CERS6: variants seen among roughly 807,000 people sequenced by gnomAD.
CERS6 encodes the protein ceramide synthase 6.
CERS6 carries 26 observed loss-of-function variants against 56.8 expected under a neutral mutation model. The ratio of observed to expected loss-of-function variants is 0.46; its 90% CI spans 0.34 to 0.63. CERS6 has a LOEUF of 0.63. Among genes scored for constraint, CERS6 ranks in the 30% least tolerant of loss-of-function variants. The pLI, the probability that CERS6 is intolerant of heterozygous loss-of-function variation, is 0.01. For missense variants in CERS6, 415 were observed against 467.5 expected (o/e 0.89, Z 1.04); for synonymous variants, 164 against 173.3 (o/e 0.95, Z 0.42).
At chr2:168,750,112 G>C (rs530389378) in intron 8 of CERS6, among the ~76,000 whole-genome samples, 28 of 152,282 alleles carry the variant, frequency 1.8e-4, no homozygotes, top group African/African-American at 6.7e-4. Flanking sequence ...ATGGAAAGCT[G>C]CTTCTGCCCT....
intron 4 of CERS6, among the ~76,000 whole-genome samples, chr2:168,654,692 G>C (rs372056567): frequency 6.6e-6 from 1 of 152,294 alleles, no homozygotes; most frequent in East Asian, 1.9e-4. Flanking sequence ...CTGGCCATCG[G>C]TTAATAGTAG....
rs1164838541 is a variant in CERS6 at position 168,456,313 on chromosome 2, GGCGGCGGCGGCGGGCGGGAGCA to G, written c.-122_-101del. On this transcript the variant is annotated 5_prime_UTR_variant, in exon 1 of 10. Coordinates refer to ENST00000305747, the MANE Select transcript of CERS6 (RefSeq NM_203463.3). The surrounding 1 kb of genome is among the most constrained non-coding windows in gnomAD (Gnocchi z 4.1). ...CTTCGAGAGCAGCGGCCGCGGAGGA[GGCGGCGGCGGCGGGCGGGAGCA>G]GCGGCGGCGGCGGCACAGGCTCGGG... 55 of 317,922 alleles carry G rather than the reference GGCGGCGGCGGCGGGCGGGAGCA, an allele frequency of 1.7e-4. No individual in the cohort carries two copies. Among genetic ancestry groups the G allele is most frequent in the East Asian group, 1.0e-3 (9 of 8,948 alleles). 19.7% of individuals were successfully genotyped at this position (317,922 alleles called of 1,614,324 possible). A position where few individuals can be genotyped will look rare whatever the true frequency, so the allele number is the denominator to read the frequency against.
Position 168,774,279 on chromosome 2 carries a change from A to ATTCCTTCAGC in CERS6, c.*4618_*4627dup, listed in dbSNP as rs1246523441. 1 of 152,194 alleles carries ATTCCTTCAGC rather than the reference A, an allele frequency of 6.6e-6. No individual in the cohort carries two copies. The highest frequency in any genetic ancestry group is 1.5e-5 in the Non-Finnish European group (1 of 68,030). 9.4% of individuals were successfully genotyped at this position (152,194 alleles called of 1,614,324 possible). A position where few individuals can be genotyped will look rare whatever the true frequency, so the allele number is the denominator to read the frequency against. Reference sequence around the variant, plus strand: ...TGTCTTGCTTATCTCATGCACTCACATTCCTTCAGCCTCCTGGAGTTCCTG... The same window carrying ATTCCTTCAGC: ...TGTCTTGCTTATCTCATGCACTCACATTCCTTCAGCTTCCTTCAGCCTCCTGGAGTTCCTG... On this transcript the variant is annotated 3_prime_UTR_variant, in exon 10 of 10. Transcript: ENST00000305747.
At chr2:168,552,007 A>G (rs552023115) in intron 2 of CERS6, among the ~76,000 whole-genome samples, 1 of 152,080 alleles carries the variant, frequency 6.6e-6, no homozygotes, top group African/African-American at 2.4e-5. Flanking sequence ...GGGTGAGAAT[A>G]TATGTCAGGT....
intron 3 of CERS6, among the ~76,000 whole-genome samples, chr2:168,611,378 C>A (rs182876137): frequency 6.6e-6 from 1 of 152,164 alleles, no homozygotes; most frequent in Non-Finnish European, 1.5e-5. Context: ...ATTGCCTTAA[C>A]CTGCCTAGAC....
intron 4 of CERS6, among the ~76,000 whole-genome samples, chr2:168,656,732 G>A (rs893661892): frequency 6.6e-6 from 1 of 152,146 alleles, no homozygotes; most frequent in Non-Finnish European, 1.5e-5. Flanking sequence ...CCACAGTGTG[G>A]AAGGGGACCC....
intron 6 of CERS6, among the ~76,000 whole-genome samples, chr2:168,696,559 T>A (rs1267489059): frequency 6.6e-6 from 1 of 152,216 alleles, no homozygotes; most frequent in African/African-American, 2.4e-5. Flanking sequence ...AATGCCAGAT[T>A]GACTGAGTGG....
At chr2:168,505,377 G>A (rs1196608488) in intron 1 of CERS6, among the ~76,000 whole-genome samples, 1 of 33,112 alleles carries the variant, frequency 3.0e-5, no homozygotes, top group East Asian at 7.9e-4. Flanking sequence ...GTGAGACCCT[G>A]TTTCCAAAAA....
chr2:168,645,812 T>G (rs925403908), intron 4 of CERS6, among the ~76,000 whole-genome samples: 1 of 152,212 alleles, frequency 6.6e-6, no homozygotes, highest in Non-Finnish European at 1.5e-5. Flanking sequence ...GTTTCTGTGT[T>G]AGTTTGCTAA....
chr2:168,688,501 G>A (rs923623783), intron 4 of CERS6, among the ~76,000 whole-genome samples: 1 of 151,900 alleles, frequency 6.6e-6, no homozygotes, highest in Non-Finnish European at 1.5e-5. Context: ...GAAATCAGGA[G>A]AATCAACTCA....
At chr2:168,677,164 C>T (rs901923890) in intron 4 of CERS6, among the ~76,000 whole-genome samples, 4 of 151,952 alleles carry the variant, frequency 2.6e-5, no homozygotes, top group African/African-American at 9.7e-5. Context: ...CGCTATCCCT[C>T]CCCTTCTCCC....
chr2:168,520,690 A>G (rs925662906), intron 1 of CERS6, among the ~76,000 whole-genome samples: 3 of 126,984 alleles, frequency 2.4e-5, no homozygotes, highest in African/African-American at 8.9e-5. Context: ...GCTCACCGCA[A>G]CCTCCGCCTC....
intron 8 of CERS6, among the ~76,000 whole-genome samples, chr2:168,735,405 G>GT (rs1245589439): frequency 6.6e-6 from 1 of 152,034 alleles, no homozygotes; most frequent in African/African-American, 2.4e-5. Context: ...TACAAGAACA[G>GT]TTTTTTTCTG....
chr2:168,654,391 A>T (rs1685419554), intron 4 of CERS6, among the ~76,000 whole-genome samples: 1 of 152,082 alleles, frequency 6.6e-6, no homozygotes, highest in Non-Finnish European at 1.5e-5. Context: ...TAAAAATACA[A>T]TTTTAGCTGG....
intron 8 of CERS6, among the ~76,000 whole-genome samples, chr2:168,763,808 T>G (rs1684649515): frequency 6.6e-6 from 1 of 152,114 alleles, no homozygotes; most frequent in Admixed American, 6.5e-5. Flanking sequence ...TTAGGTGAGT[T>G]TTCTTGTGTG....
At position 168,651,632 on chromosome 2, in the gene CERS6, C is replaced by T. The variant is rs116290203; in HGVS notation, c.465+20590C>T. 3.3e-3 allele frequency among the ~76,000 whole-genome samples: 506 copies of T among 152,168 alleles called. 3 individuals carry two copies. Among genetic ancestry groups the T allele is most frequent in the Admixed American group, 5.4e-3 (82 of 15,286 alleles). On this transcript the variant is annotated intron_variant, in intron 4 of 9. Transcript: ENST00000305747. ...GTGCAGGAGAGGTGTCAGGGGGAAC[C>T]GCCAGACCCTTTTGAAGCATCAGAT...
Position 168,499,294 on chromosome 2 carries a change from G to A in CERS6, c.170+42676G>A, listed in dbSNP as rs116343264. ...GCCGAAACCAAAGCCAAAAGGCGAG[G>A]TTACGAAATGGACTTATCTATATGT... On this transcript the variant is annotated intron_variant, in intron 1 of 9. Transcript: ENST00000305747. 1.5e-3 allele frequency among the ~76,000 whole-genome samples: 226 copies of A among 152,292 alleles called. 2 individuals carry two copies. The highest frequency in any genetic ancestry group is 5.1e-3 in the African/African-American group (210 of 41,552).
chr2:168,630,890 T>G (rs1684699246), intron 3 of CERS6, 95 bp from the exon 4 acceptor site: 1 of 548,310 alleles, frequency 1.8e-6, no homozygotes, highest in South Asian at 3.4e-5. Context: ...GGGACAAATT[T>G]AATTTAATGA....
chr2:168,531,418 C>G (rs1184629214), intron 1 of CERS6, among the ~76,000 whole-genome samples: 1 of 152,200 alleles, frequency 6.6e-6, no homozygotes, highest in African/African-American at 2.4e-5. Context: ...AGAGAAAAAT[C>G]TGGCTTGGAG....
Sources: allele counts gnomAD v4.1 joint callset (sites outside exome capture counted in the v4.1 genomes callset), GRCh38; gene constraint gnomAD v4.1.1; non-coding constraint Gnocchi (gnomAD v3.1); transcripts MANE v1.5; gene names NCBI Gene and HGNC (gene_info 2026-07-23, HGNC 2026-07-21).